The following ZC3H7B variants were observed in gnomAD, a reference collection of about 807,000 sequenced individuals.
ZC3H7B encodes zinc finger CCCH domain-containing protein 7B.
Under a neutral mutation model 116.0 loss-of-function variants are expected in ZC3H7B, and 35 were observed. The ratio of observed to expected loss-of-function variants is 0.30; its 90% CI spans 0.23 to 0.40. The LOEUF (loss-of-function observed/expected upper bound fraction) is 0.40, where lower values mean the gene tolerates loss of function less well. Ranked by LOEUF, ZC3H7B falls within the 10% of genes least tolerant of loss-of-function variation. The pLI is 1.00. For synonymous variants in ZC3H7B, 502 were observed against 545.6 expected (o/e 0.92, Z 1.11); for missense variants, 1,011 against 1,321.5 (o/e 0.77, Z 3.64).
At chr22:41,328,783 C>A (rs1185035279) in intron 5 of ZC3H7B, among the ~76,000 whole-genome samples, 2 of 152,140 alleles carry the variant, frequency 1.3e-5, no homozygotes, top group South Asian at 2.1e-4. Flanking sequence ...TGGAGCCTTA[C>A]AACCCTGTGC....
chr22:41,314,801 G>C (rs953775888), intron 1 of ZC3H7B, among the ~76,000 whole-genome samples: 1 of 147,806 alleles, frequency 6.8e-6, no homozygotes, highest in African/African-American at 2.5e-5. Flanking sequence ...GTAGAGACAG[G>C]GTTTCACTAT....
At chr22:41,309,943 T>C (rs976772864) in intron 1 of ZC3H7B, among the ~76,000 whole-genome samples, 1 of 152,000 alleles carries the variant, frequency 6.6e-6, no homozygotes, top group Non-Finnish European at 1.5e-5. Context: ...CGGTGGCTCA[T>C]GCCTATAATC....
In ZC3H7B at chr22:41,346,163, C is replaced by A. The variant is rs200725394; in HGVS notation, c.1620C>A (p.Ala540=). The A allele has an allele frequency of 1.9e-6, 3 of 1,612,468 alleles. No individual in the cohort carries two copies. The highest frequency in any genetic ancestry group is 2.5e-6 in the Non-Finnish European group (3 of 1,179,944). Residue 540 remains alanine (A), a synonymous_variant, in exon 14 of 23, where the codon GCC becomes GCA. Coordinates refer to ENST00000352645, the MANE Select transcript of ZC3H7B (RefSeq NM_017590.6). This position sits in a 1 kb window ranked among gnomAD's most constrained non-coding sequence, Gnocchi z 5.3. ...TTAAGCGCGGCAGCCTCACCATCGC[C>A]AAGCTCCTGAAGGAGCACCAGGGCA... ...GGVKRGSLTI[A]KLLKEHQGIF... is the part of the protein sequence containing the mutation.
At chr22:41,320,847 G>T (rs984784671) in intron 2 of ZC3H7B, 134 bp downstream of exon 2, 1 of 1,238,200 alleles carries the variant, frequency 8.1e-7, no homozygotes, top group Non-Finnish European at 1.2e-6. Flanking sequence ...GCTGGGGTGC[G>T]GGCAGGTGGG....
intron 1 of ZC3H7B, among the ~76,000 whole-genome samples, chr22:41,306,436 C>T (rs1227479540): frequency 6.7e-6 from 1 of 148,990 alleles, no homozygotes; most frequent in African/African-American, 2.5e-5. Flanking sequence ...TGGGATGGCA[C>T]GATCTTGGCT....
At chr22:41,309,383 G>A (rs1284353668) in intron 1 of ZC3H7B, among the ~76,000 whole-genome samples, 2 of 150,130 alleles carry the variant, frequency 1.3e-5, no homozygotes, top group African/African-American at 4.9e-5. Flanking sequence ...GTGTGATCTC[G>A]GCTCACTGCA....
intron 7 of ZC3H7B, chr22:41,336,148 GGAT>G (rs1291249531): frequency 1.3e-5 from 2 of 152,378 alleles, no homozygotes; most frequent in African/African-American, 2.4e-5. Context: ...GGACAGGGAA[GGAT>G]GCACCACAGC....
chr22:41,316,151 G>A (rs771516081), intron 1 of ZC3H7B, among the ~76,000 whole-genome samples: 4 of 151,642 alleles, frequency 2.6e-5, no homozygotes, highest in Non-Finnish European at 5.9e-5. Flanking sequence ...GCGCCACCAT[G>A]TCCAGCTAAT....
At chr22:41,312,591 A>G (rs1425217485) in intron 1 of ZC3H7B, among the ~76,000 whole-genome samples, 2 of 151,910 alleles carry the variant, frequency 1.3e-5, no homozygotes, top group Non-Finnish European at 2.9e-5. Context: ...CCCTGCCTCT[A>G]AAATAATAAT....
At position 41,358,629 on chromosome 22, in the gene ZC3H7B, C is replaced by G. The variant is rs771342705; in HGVS notation, c.*1200C>G. 3.3e-5 allele frequency: 5 copies of G among 153,052 alleles called. No individual in the cohort carries two copies. In the Middle Eastern group the frequency reaches 4.5e-3, roughly 137 times the overall value. The allele number at this position is 153,052 out of a possible 1,614,324, so 9.5% of individuals were successfully genotyped here. A position where few individuals can be genotyped will look rare whatever the true frequency, so the allele number is the denominator to read the frequency against. ...CCCAGTATGTCCTCTCCTCTAGACCCAGACATACAGTTATAACCGTCTGTC... is the reference window on the plus strand; with the variant it reads ...CCCAGTATGTCCTCTCCTCTAGACCGAGACATACAGTTATAACCGTCTGTC... On this transcript the variant is annotated 3_prime_UTR_variant, in exon 23 of 23. Transcript: ENST00000352645.
intron 17 of ZC3H7B, among the ~76,000 whole-genome samples, chr22:41,354,468 G>C (rs2054187952): frequency 6.6e-6 from 1 of 152,182 alleles, no homozygotes; most frequent in Non-Finnish European, 1.5e-5. Flanking sequence ...GGCAGGCCCT[G>C]GGCAGGGCAA....
rs781763921 is a variant in ZC3H7B, at chr22:41,339,864, C to T, written c.865C>T (p.Pro289Ser). 35 of 1,612,494 alleles carry T rather than the reference C, an allele frequency of 2.2e-5. No individual in the cohort carries two copies. Among genetic ancestry groups the T allele is most frequent in the Non-Finnish European group, 3.0e-5 (35 of 1,179,276 alleles). The change falls in exon 10 of 23, where the codon CCC (proline) becomes TCC (serine). Residue 289 changes from proline to serine, a missense_variant. Pro to Ser is a moderately conservative substitution (Grantham distance 74, BLOSUM62 -1). This residue lies in a region of ZC3H7B where 322 missense variants were observed against 443.9 expected (regional missense o/e 0.73). Coordinates refer to ENST00000352645, the MANE Select transcript of ZC3H7B (RefSeq NM_017590.6). ...TGGCAGCGGCGTGCCTAGTGAGTTGCCCCAGCTGATACCCGTGTTCCCCGG... is the reference window on the plus strand; with the variant it reads ...TGGCAGCGGCGTGCCTAGTGAGTTGTCCCAGCTGATACCCGTGTTCCCCGG... ...LSGSGVPSEL[P>S]QLIPVFPGGT...
intron 1 of ZC3H7B, among the ~76,000 whole-genome samples, chr22:41,306,137 A>C (rs988749366): frequency 1.3e-5 from 2 of 152,146 alleles, no homozygotes; most frequent in African/African-American, 2.4e-5. Flanking sequence ...ATTGGGTTCA[A>C]GTCAGGCTCT....
At chr22:41,342,680 CAGGAA>C in intron 12 of ZC3H7B, 52 bp downstream of exon 12, 1 of 1,495,038 alleles carries the variant, frequency 6.7e-7, no homozygotes, top group Non-Finnish European at 9.2e-7. Flanking sequence ...CTGGGAATCT[CAGGAA>C]CATGGGATCC....
intron 1 of ZC3H7B, among the ~76,000 whole-genome samples, chr22:41,313,414 A>C (rs2036143698): frequency 6.6e-6 from 1 of 152,110 alleles, no homozygotes; most frequent in South Asian, 2.1e-4. Context: ...ACCCGGCCAG[A>C]TGTCACATGC....
chr22:41,349,353 G>T lies in ZC3H7B; in HGVS notation c.1948+52G>T. On this transcript the variant is annotated intron_variant, in intron 16 of 22. Transcript: ENST00000352645. The surrounding 1 kb of genome is among the most constrained non-coding windows in gnomAD (Gnocchi z 4.9). ...GGCAGGTGACTCAGGTGAGGGGTAGGCGGCGCAGGTGAAGGGAGCGCAGGA... is the reference window on the plus strand; with the variant it reads ...GGCAGGTGACTCAGGTGAGGGGTAGTCGGCGCAGGTGAAGGGAGCGCAGGA... The T allele has an allele frequency of 6.3e-7, 1 of 1,598,676 alleles. No homozygotes were observed. Among genetic ancestry groups the T allele is most frequent in the Non-Finnish European group, 8.5e-7 (1 of 1,172,084 alleles).
intron 1 of ZC3H7B, among the ~76,000 whole-genome samples, chr22:41,303,881 C>T (rs2145890565): frequency 1.3e-5 from 2 of 152,022 alleles, no homozygotes; most frequent in African/African-American, 2.4e-5. Flanking sequence ...CCTCAGCCTC[C>T]TGAGTAGCTG....
chr22:41,303,811 GCA>G (rs2036004942), intron 1 of ZC3H7B, among the ~76,000 whole-genome samples: 6 of 152,026 alleles, frequency 3.9e-5, no homozygotes, highest in African/African-American at 1.2e-4. Flanking sequence ...AGGCTGGAGT[GCA>G]GTGGCGCGAT....
chr22:41,335,515 G>C (rs1970888341), intron 7 of ZC3H7B: 1 of 152,240 alleles, frequency 6.6e-6, no homozygotes, highest in Non-Finnish European at 1.5e-5. Context: ...CCATGGGCAG[G>C]ATCTAGCAGG....
Sources: gnomAD v4.1 joint callset for allele counts (sites outside exome capture counted in the v4.1 genomes callset) on GRCh38, gnomAD v4.1.1 for gene constraint, gnomAD v4.1.1 regional missense constraint, Gnocchi (gnomAD v3.1) non-coding constraint, MANE v1.5 for transcripts, NCBI Gene and HGNC (gene_info 2026-07-23, HGNC 2026-07-21) for gene names.